PAPLN: variants seen among roughly 807,000 people sequenced by gnomAD.
PAPLN encodes the protein papilin.
A neutral mutation model predicts 159.0 loss-of-function variants in PAPLN; 146 were observed. The observed-to-expected ratio is 0.92, with a 90% confidence interval of 0.80 to 1.05. PAPLN has a LOEUF of 1.05. PAPLN is among the 50% of genes least tolerant of loss of function. The pLI is 0.00. For missense variants in PAPLN, 1,720 were observed against 1,743.9 expected, an observed-to-expected ratio of 0.99 and a Z score of 0.24; for synonymous variants, 734 against 702.9, an observed-to-expected ratio of 1.04 and a Z score of -0.70.
At chr14:73,250,873 C>T (rs1885170019) in intron 6 of PAPLN, 34 bp from the exon 7 acceptor site, 2 of 1,577,042 alleles carry the variant, frequency 1.3e-6, no homozygotes, top group East Asian at 2.3e-5. Context: ...GGCCATGATG[C>T]CGTCTCCCCT....
At position 73,261,293 on chromosome 14, in the gene PAPLN, T is replaced by C. The variant is rs1410950894; in HGVS notation, c.2244T>C (p.His748=). 5.6e-6 allele frequency: 9 copies of C among 1,613,560 alleles called. No individual in the cohort carries two copies. Among genetic ancestry groups the C allele is most frequent in the South Asian group, 2.2e-5 (2 of 91,068 alleles). The change falls in exon 18 of 27, where the codon CAT becomes CAC. Residue 748 remains histidine (H), a splice_region_variant and synonymous_variant. Transcript: ENST00000644200. The part of the protein sequence containing the change: ...LGEGCVGQPS[H]AYPVRCLLPS... Reference sequence around the variant, plus strand: ...AAGGCTGTGTGGGCCAGCCCAGCCATGGTGAGTGGACACCCCCTCTCCTCC... The same window carrying C: ...AAGGCTGTGTGGGCCAGCCCAGCCACGGTGAGTGGACACCCCCTCTCCTCC...
chr14:73,259,119 G>A, intron 15 of PAPLN, 60 bp downstream of exon 15: 1 of 1,555,282 alleles, frequency 6.4e-7, no homozygotes, highest in Admixed American at 1.9e-5. Flanking sequence ...TGAGTGGATG[G>A]TACATGGGGG....
intron 14 of PAPLN, among the ~76,000 whole-genome samples, chr14:73,258,351 T>TA (rs1248000928): frequency 6.6e-6 from 1 of 152,216 alleles, no homozygotes; most frequent in East Asian, 1.9e-4. Context: ...GTAAGTTCTT[T>TA]ACCCACTTTT....
At chr14:73,238,760 A>G (rs902321317) in intron 1 of PAPLN, among the ~76,000 whole-genome samples, 1 of 152,212 alleles carries the variant, frequency 6.6e-6, no homozygotes. Flanking sequence ...GAGTGTGTAC[A>G]TTGTTCAGTA....
chr14:73,247,666 G>T (rs1041735387), intron 5 of PAPLN, among the ~76,000 whole-genome samples: 8 of 117,464 alleles, frequency 6.8e-5, no homozygotes, highest in South Asian at 2.5e-4. Flanking sequence ...GTGTGTGCGT[G>T]TGTGTGTGTG....
intron 6 of PAPLN, 44 bp from the exon 7 acceptor site, chr14:73,250,863 G>T: frequency 6.4e-7 from 1 of 1,566,744 alleles, no homozygotes; most frequent in South Asian, 1.2e-5. Context: ...GGCCTGATGT[G>T]GCCATGATGC....
chr14:73,265,288 C>A lies in PAPLN; in HGVS notation c.3126-82C>A, dbSNP rs1298420612. ...CTGGCTGGAGAGGGAGAAGGGGCCA[C>A]CAGGCTTGTGCAGAGGTGCCCATGG... On this transcript the variant is annotated intron_variant, in intron 22 of 26. Transcript: ENST00000644200. The surrounding 1 kb of genome is among the most constrained non-coding windows in gnomAD (Gnocchi z 4.1). 1 of 1,539,608 alleles carries A rather than the reference C, an allele frequency of 6.5e-7. No homozygotes were observed. The highest frequency in any genetic ancestry group is 2.3e-5 in the East Asian group (1 of 43,814).
intron 5 of PAPLN, among the ~76,000 whole-genome samples, chr14:73,248,171 G>A (rs112448432): frequency 7.9e-5 from 11 of 138,606 alleles, no homozygotes; most frequent in African/African-American, 2.5e-4. Flanking sequence ...CATATCCTCT[G>A]TGTGTGTGTG....
intron 14 of PAPLN, 69 bp downstream of exon 14, chr14:73,255,087 C>A: frequency 6.5e-7 from 1 of 1,540,098 alleles, no homozygotes; most frequent in Non-Finnish European, 8.8e-7. Context: ...ACCCAGCAAG[C>A]ATGTCCTGCC....
At chr14:73,246,642 C>CTT (rs60063397) in intron 5 of PAPLN, among the ~76,000 whole-genome samples, 11,478 of 116,740 alleles carry the variant, frequency 0.098, 720 homozygotes, top group Non-Finnish European at 0.13. Context: ...TTCTTTCTTT[C>CTT]TTTTTTTTTT....
chr14:73,263,989 C>G (rs764920746), intron 20 of PAPLN: 3 of 1,435,434 alleles, frequency 2.1e-6, no homozygotes, highest in Non-Finnish European at 1.8e-6. Flanking sequence ...TGTGTGACAG[C>G]CCCCCGACCT....
intron 26 of PAPLN, among the ~76,000 whole-genome samples, chr14:73,269,944 C>T (rs890471619): frequency 6.6e-6 from 1 of 152,192 alleles, no homozygotes; most frequent in Non-Finnish European, 1.5e-5. Flanking sequence ...TGAAATGTTG[C>T]TTTGTGAGTG....
At chr14:73,258,394 T>C (rs989922772) in intron 14 of PAPLN, among the ~76,000 whole-genome samples, 10 of 152,142 alleles carry the variant, frequency 6.6e-5, no homozygotes, top group African/African-American at 2.2e-4. Flanking sequence ...TCAGTCCAAT[T>C]TTTTAAAAAA....
intron 14 of PAPLN, 65 bp from the exon 15 acceptor site, chr14:73,258,914 C>T: frequency 6.9e-7 from 1 of 1,449,328 alleles, no homozygotes; most frequent in Non-Finnish European, 9.2e-7. Flanking sequence ...CAGGGCTGGC[C>T]ACAGCTCAGG....
rs751876357 is a variant in PAPLN at position 73,262,578 on chromosome 14, C to T, written c.2474C>T (p.Thr825Met). 2.8e-5 allele frequency: 44 copies of T among 1,562,322 alleles called. No homozygotes were observed. Among genetic ancestry groups the T allele is most frequent in the African/African-American group, 1.2e-4 (9 of 73,850 alleles). Residue 825 changes from threonine to methionine, a missense_variant, in exon 19 of 27, where the codon ACG (threonine) becomes ATG (methionine). Physicochemically the swap from Thr to Met is moderately conservative, Grantham distance 81. Coordinates refer to ENST00000644200, the MANE Select transcript of PAPLN (RefSeq NM_001365906.3). ...QPGASGRSTH[T>M]DGGGSSPAGE... is the part of the protein sequence containing the mutation. The stretch of plus-strand genomic sequence containing the variant: ...GGGGCTTCTGGAAGGAGCACCCACA[C>T]GGATGGTGGCGGCAGCAGTCCTGCA...
In PAPLN at chr14:73,253,857, G is replaced by T; in HGVS notation, c.1198G>T (p.Ala400Ser). Residue 400 changes from alanine (A) to serine (S), a missense_variant, in exon 12 of 27, where the codon GCC becomes TCC. Ala to Ser is a moderately conservative substitution (Grantham distance 99). Transcript: ENST00000644200. ...ISSDGAGIQE[A>S]VEEAECAGLP... The stretch of plus-strand genomic sequence containing the variant: ...GTCTGACGGGGCCGGCATCCAGGAG[G>T]CCGTGGAGGAGGCTGAGTGTGCCGG... 6.2e-7 allele frequency: 1 copy of T among 1,613,660 alleles called. No individual in the cohort carries two copies.
At chr14:73,246,397 A>AT (rs531973214) in intron 5 of PAPLN, among the ~76,000 whole-genome samples, 110 of 84,642 alleles carry the variant, frequency 1.3e-3, no homozygotes, top group Non-Finnish European at 1.8e-3. Flanking sequence ...TACCCGACCA[A>AT]TTTTTTTTTT....
rs149130313 is a variant in PAPLN, at chr14:73,261,266, G to A, written c.2217G>A (p.Gly739=). Residue 739 remains glycine (G), a synonymous_variant, in exon 18 of 27, where the codon GGG becomes GGA. Coordinates refer to ENST00000644200, the MANE Select transcript of PAPLN (RefSeq NM_001365906.3). ...TGGCCACTGCAGCCGGTCCTCTTGG[G>A]GAAGGCTGTGTGGGCCAGCCCAGCC... ...DNVATAAGPL[G]EGCVGQPSHA... The A allele has an allele frequency of 1.4e-3, 2,327 of 1,613,836 alleles. 9 individuals are homozygous for A. Among genetic ancestry groups the A allele is most frequent in the Non-Finnish European group, 1.2e-3 (1,363 of 1,180,012 alleles).
chr14:73,249,889 G>T, intron 5 of PAPLN, 95 bp from the exon 6 acceptor site: 1 of 1,399,684 alleles, frequency 7.1e-7, no homozygotes, highest in South Asian at 1.5e-5. Context: ...AGGGCTTTCT[G>T]ACCCATGCTT....
Sources: allele counts gnomAD v4.1 joint callset (sites outside exome capture counted in the v4.1 genomes callset), GRCh38; gene constraint gnomAD v4.1.1; non-coding constraint Gnocchi (gnomAD v3.1); transcripts MANE v1.5; gene names NCBI Gene and HGNC (gene_info 2026-07-23, HGNC 2026-07-21).